SYT1: variants seen among roughly 807,000 people sequenced by gnomAD.
The protein encoded by SYT1 is synaptotagmin-1.
A neutral mutation model predicts 44.8 loss-of-function variants in SYT1; 8 were observed. That is an observed-to-expected ratio of 0.18 (90% CI 0.10 to 0.32). The LOEUF (loss-of-function observed/expected upper bound fraction) is 0.32, where lower values mean the gene tolerates loss of function less well. Ranked by LOEUF, SYT1 falls within the 10% of genes least tolerant of loss-of-function variation. The pLI is 1.00. For synonymous variants in SYT1, 154 were observed against 188.8 expected (o/e 0.82, Z 1.51); for missense variants, 286 against 509.3 (o/e 0.56, Z 4.22).
chr12:79,404,646 C>T (rs560143259), intron 9 of SYT1, among the ~76,000 whole-genome samples: 9 of 152,282 alleles, frequency 5.9e-5, no homozygotes, highest in South Asian at 2.1e-4. Context: ...AGGAAGCTTA[C>T]GTGACTTGCG....
intron 1 of SYT1, among the ~76,000 whole-genome samples, chr12:78,957,348 T>C (rs756756602): frequency 1.3e-5 from 2 of 152,176 alleles, no homozygotes; most frequent in South Asian, 2.1e-4. Flanking sequence ...TTACTTTTTT[T>C]CCCTACTTTC....
At chr12:78,942,705 A>G (rs931166887) in intron 1 of SYT1, among the ~76,000 whole-genome samples, 1 of 152,188 alleles carries the variant, frequency 6.6e-6, no homozygotes, top group African/African-American at 2.4e-5. Context: ...TCTGGTTCTA[A>G]TTAGTTCTTC....
At chr12:79,287,362 C>T (rs1879362646) in intron 5 of SYT1, among the ~76,000 whole-genome samples, 1 of 152,124 alleles carries the variant, frequency 6.6e-6, no homozygotes, top group African/African-American at 2.4e-5. Context: ...TTTTTCTCTT[C>T]AGTTAATTTA....
chr12:79,280,289 G>A lies in SYT1; in HGVS notation c.167-5498G>A, dbSNP rs79429468. On this transcript the variant is annotated intron_variant, in intron 4 of 10. Transcript: ENST00000261205. ...AAAACAGCATGGTTGTAAAATAAAAGTAATATAAAAGTAGACATATAGACC... is the reference window on the plus strand; with the variant it reads ...AAAACAGCATGGTTGTAAAATAAAAATAATATAAAAGTAGACATATAGACC... Among the ~76,000 whole-genome samples, 11 of 151,678 alleles carry A rather than the reference G, an allele frequency of 7.3e-5. No homozygotes were observed. The East Asian group carries it at 2.1e-3, about 29-fold the overall frequency.
intron 2 of SYT1, among the ~76,000 whole-genome samples, chr12:79,023,682 A>C (rs1054607982): frequency 1.3e-5 from 2 of 151,848 alleles, no homozygotes; most frequent in Non-Finnish European, 2.9e-5. Flanking sequence ...GCATTATTTC[A>C]TGCCTACAGA....
chr12:79,054,732 G>A (rs1255945657), intron 3 of SYT1, among the ~76,000 whole-genome samples: 1 of 151,760 alleles, frequency 6.6e-6, no homozygotes, highest in Non-Finnish European at 1.5e-5. Flanking sequence ...TATATTTTTA[G>A]TAATTACAAA....
At position 78,936,003 on chromosome 12, in the gene SYT1, G is replaced by C. The variant is rs138745537; in HGVS notation, c.-216-41796G>C. Among the ~76,000 whole-genome samples, 750 of 152,154 alleles carry C rather than the reference G, an allele frequency of 4.9e-3. 1 individual carries two copies. The highest frequency in any genetic ancestry group is 8.8e-3 in the Admixed American group (135 of 15,280). ...ATTTTCTTTGATAAAACAAAGGAGA[G>C]ATACAGTAATCTTATAGCCAAGGCA... is the stretch of plus-strand genomic sequence containing the variant. On this transcript the variant is annotated intron_variant, in intron 1 of 10. Transcript: ENST00000261205.
chr12:79,041,126 T>G (rs1392379337), intron 2 of SYT1, among the ~76,000 whole-genome samples: 2 of 151,700 alleles, frequency 1.3e-5, no homozygotes, highest in Non-Finnish European at 3.0e-5. Context: ...TGGTTCCATA[T>G]GAACTTTAAA....
chr12:79,188,745 T>C (rs1205671227), intron 3 of SYT1, among the ~76,000 whole-genome samples: 2 of 152,020 alleles, frequency 1.3e-5, no homozygotes, highest in Non-Finnish European at 2.9e-5. Context: ...TTTGCTTTTT[T>C]CCCCCCACAA....
chr12:79,086,449 A>T (rs1290130486), intron 3 of SYT1, among the ~76,000 whole-genome samples: 1 of 152,190 alleles, frequency 6.6e-6, no homozygotes, highest in African/African-American at 2.4e-5. Flanking sequence ...TTTTCTGCAG[A>T]TTAAAATGAA....
At chr12:79,047,031 A>G (rs920512390) in intron 2 of SYT1, among the ~76,000 whole-genome samples, 1 of 151,906 alleles carries the variant, frequency 6.6e-6, no homozygotes, top group Non-Finnish European at 1.5e-5. Context: ...AAATTAAAAC[A>G]CTATAGAAAG....
intron 3 of SYT1, among the ~76,000 whole-genome samples, chr12:79,115,499 C>T (rs1879229671): frequency 6.6e-6 from 1 of 152,048 alleles, no homozygotes; most frequent in Non-Finnish European, 1.5e-5. Context: ...TAGGAAAAAC[C>T]TTTCATTTAT....
At chr12:79,207,166 G>A (rs942000631) in intron 3 of SYT1, among the ~76,000 whole-genome samples, 17 of 152,116 alleles carry the variant, frequency 1.1e-4, no homozygotes, top group Non-Finnish European at 2.2e-4. Flanking sequence ...CAAATTTGCT[G>A]TGACTATGCT....
At chr12:79,229,002 TG>T (rs1241546107) in intron 4 of SYT1, among the ~76,000 whole-genome samples, 1 of 152,228 alleles carries the variant, frequency 6.6e-6, no homozygotes, top group Non-Finnish European at 1.5e-5. Context: ...CTCACTGTTT[TG>T]GTTACCTGGG....
At chr12:79,208,917 A>G (rs1268688000) in intron 3 of SYT1, among the ~76,000 whole-genome samples, 1 of 152,072 alleles carries the variant, frequency 6.6e-6, no homozygotes, top group African/African-American at 2.4e-5. Context: ...ATCTCCCTAC[A>G]CCTCTGAGGA....
chr12:78,893,151 G>A lies in SYT1; in HGVS notation c.-217+28042G>A, dbSNP rs1421509740. 5.3e-5 allele frequency among the ~76,000 whole-genome samples: 8 copies of A among 151,710 alleles called. No individual in the cohort carries two copies. In the East Asian group the frequency reaches 1.4e-3, roughly 26 times the overall value. On this transcript the variant is annotated intron_variant, in intron 1 of 10. Transcript: ENST00000261205. ...TCTACAAATGAAAACCAATTCCTGG[G>A]AATTTGTGGGCAATTTCAATATTAA...
At chr12:79,210,003 A>G (rs1874345267) in intron 3 of SYT1, among the ~76,000 whole-genome samples, 1 of 152,198 alleles carries the variant, frequency 6.6e-6, no homozygotes, top group African/African-American at 2.4e-5. Flanking sequence ...TTGTTATAAA[A>G]TACAATACTT....
intron 3 of SYT1, among the ~76,000 whole-genome samples, chr12:79,149,018 G>A (rs997411561): frequency 6.6e-6 from 1 of 152,022 alleles, no homozygotes; most frequent in Admixed American, 6.6e-5. Context: ...AAGTTAAAAA[G>A]GAGAATTACT....
chr12:79,113,747 TA>T (rs1458439175), intron 3 of SYT1, among the ~76,000 whole-genome samples: 1 of 152,110 alleles, frequency 6.6e-6, no homozygotes, highest in African/African-American at 2.4e-5. Flanking sequence ...GAAGTTTTAA[TA>T]AAAGATCTGC....
Sources: allele counts gnomAD v4.1 joint callset (sites outside exome capture counted in the v4.1 genomes callset), GRCh38; gene constraint gnomAD v4.1.1; transcripts MANE v1.5; gene names NCBI Gene and HGNC (gene_info 2026-07-23, HGNC 2026-07-21).